WDR19: variants seen among roughly 807,000 people sequenced by gnomAD.
WDR19 encodes WD repeat-containing protein 19.
WDR19 carries 121 observed loss-of-function variants against 180.0 expected under a neutral mutation model. That is an observed-to-expected ratio of 0.67 (90% CI 0.58 to 0.78). The LOEUF is 0.78. WDR19 is among the 30% of genes least tolerant of loss of function. The probability of loss-of-function intolerance (pLI) is 0.00; values close to 1 mark genes in which losing one functional copy is unlikely to be tolerated. For missense variants in WDR19, 1,450 were observed against 1,640.7 expected (o/e 0.88, Z 2.01); for synonymous variants, 497 against 540.7 (o/e 0.92, Z 1.12).
intron 5 of WDR19, among the ~76,000 whole-genome samples, chr4:39,198,997 C>CAA (rs774671201): frequency 7.7e-4 from 67 of 87,496 alleles, no homozygotes; most frequent in Admixed American, 2.0e-3. Flanking sequence ...GACTCTGTCT[C>CAA]AAAAAAAAAA....
At chr4:39,273,469 A>C (rs775332405) in intron 32 of WDR19, 2 of 167,470 alleles carry the variant, frequency 1.2e-5, no homozygotes, top group Non-Finnish European at 1.3e-5. Context: ...TTAGAGACTC[A>C]GCAGCCAGGA....
At chr4:39,200,056 T>C (rs999714097) in intron 6 of WDR19, among the ~76,000 whole-genome samples, 3 of 152,242 alleles carry the variant, frequency 2.0e-5, no homozygotes, top group African/African-American at 7.2e-5. Context: ...TTTCTCAAGA[T>C]TGATTAGCTC....
chr4:39,241,709 T>G (rs1473348734), intron 21 of WDR19, among the ~76,000 whole-genome samples: 1 of 148,772 alleles, frequency 6.7e-6, no homozygotes, highest in Non-Finnish European at 1.5e-5. Context: ...GGCAGGAGAA[T>G]CACTTGAATT....
chr4:39,241,173 A>C (rs1731902828), intron 21 of WDR19, among the ~76,000 whole-genome samples: 1 of 152,200 alleles, frequency 6.6e-6, no homozygotes, highest in Non-Finnish European at 1.5e-5. Context: ...TGTCTTGTGA[A>C]GCTTGAAAAT....
At chr4:39,271,318 TGTTTA>T (rs1421079822) in intron 31 of WDR19, among the ~76,000 whole-genome samples, 1 of 152,266 alleles carries the variant, frequency 6.6e-6, no homozygotes, top group Non-Finnish European at 1.5e-5. Flanking sequence ...ATTGGGATTA[TGTTTA>T]GTTGTGTATA....
intron 7 of WDR19, 118 bp from the exon 8 acceptor site, chr4:39,205,036 C>T: frequency 1.5e-6 from 1 of 650,706 alleles, no homozygotes; most frequent in Non-Finnish European, 2.6e-6. Flanking sequence ...CAGCATTTAG[C>T]ACATCTAAAT....
intron 9 of WDR19, among the ~76,000 whole-genome samples, chr4:39,208,361 C>T (rs2109307269): frequency 7.1e-6 from 1 of 140,318 alleles, no homozygotes; most frequent in African/African-American, 2.7e-5. Flanking sequence ...GGCTGGAGTG[C>T]AGTGGCATGA....
At position 39,211,925 on chromosome 4, in the gene WDR19, CAGACAGAGAG is replaced by C. The variant is rs1392214324; in HGVS notation, c.891-2672_891-2663del. 4.3e-5 allele frequency among the ~76,000 whole-genome samples: 5 copies of C among 117,186 alleles called. No individual in the cohort carries two copies. In the South Asian group the frequency reaches 9.3e-4, roughly 22 times the overall value. The allele number at this position is 117,186 out of a possible 152,430, so 76.9% of individuals were successfully genotyped here. On this transcript the variant is annotated intron_variant, in intron 9 of 36. Transcript: ENST00000399820. ...ATAGGCATGCTTGTTCTAATATAGA[CAGACAGAGAG>C]AGAGAGAGAGAGAGAGAGAGAGAGA...
Position 39,245,235 on chromosome 4 carries a change from C to G in WDR19, c.2646-134C>G, listed in dbSNP as rs1230300258. On this transcript the variant is annotated intron_variant, in intron 23 of 36. Transcript: ENST00000399820. ...GTTCTGGGATTACAGGCCACTGCAC[C>G]CCGCCAGGAGCCAAGATTTTTGAAA... is the stretch of plus-strand genomic sequence containing the variant. 6 of 666,938 alleles carry G rather than the reference C, an allele frequency of 9.0e-6. No homozygotes were observed. The African/African-American group carries it at 9.2e-5, about 10-fold the overall frequency. 41.3% of individuals were successfully genotyped at this position (666,938 alleles called of 1,614,324 possible). A position where few individuals can be genotyped will look rare whatever the true frequency, so the allele number is the denominator to read the frequency against.
intron 24 of WDR19, among the ~76,000 whole-genome samples, chr4:39,248,136 A>G (rs536750488): frequency 6.6e-6 from 1 of 152,394 alleles, no homozygotes; most frequent in Non-Finnish European, 1.5e-5. Context: ...GAAGCCCTTC[A>G]GACTAACAGC....
At chr4:39,273,317 G>A (rs1430708794) in intron 32 of WDR19, 14 of 477,176 alleles carry the variant, frequency 2.9e-5, no homozygotes, top group Non-Finnish European at 5.1e-5. Flanking sequence ...AAAATGAGCA[G>A]AAGGATTCAC....
At chr4:39,273,100 G>A (rs144102429) in intron 32 of WDR19, 39 bp downstream of exon 32, 1 of 1,488,572 alleles carries the variant, frequency 6.7e-7, no homozygotes, top group East Asian at 2.4e-5. Flanking sequence ...CATGCCCCAT[G>A]CCCCATGCCG....
At chr4:39,270,537 A>C (rs1057502706) in intron 31 of WDR19, among the ~76,000 whole-genome samples, 33 of 151,890 alleles carry the variant, frequency 2.2e-4, no homozygotes, top group African/African-American at 8.0e-4. Flanking sequence ...CACCACACCC[A>C]GTTAATTTTT....
At chr4:39,214,433 A>C (rs1449740413) in intron 9 of WDR19, among the ~76,000 whole-genome samples, 168 bp from the exon 10 acceptor site, 2 of 152,190 alleles carry the variant, frequency 1.3e-5, no homozygotes, top group Non-Finnish European at 2.9e-5. Flanking sequence ...TAAAGATAAA[A>C]TATAATGAAG....
intron 21 of WDR19, among the ~76,000 whole-genome samples, chr4:39,243,846 A>G: frequency 7.8e-6 from 1 of 128,416 alleles, no homozygotes; most frequent in South Asian, 2.5e-4. Flanking sequence ...AACAATTACT[A>G]ACGAAATGAA....
chr4:39,184,003 T>C (rs912889238), intron 1 of WDR19, among the ~76,000 whole-genome samples: 3 of 152,204 alleles, frequency 2.0e-5, no homozygotes, highest in African/African-American at 7.2e-5. Flanking sequence ...TAAGATGCTT[T>C]TAAATATTCT....
chr4:39,261,502 GA>G (rs1457034353), intron 28 of WDR19, among the ~76,000 whole-genome samples: 2 of 152,196 alleles, frequency 1.3e-5, no homozygotes, highest in African/African-American at 4.8e-5. Context: ...AATAAGTCCA[GA>G]AGGGCTCTGA....
chr4:39,199,476 A>T lies in WDR19; in HGVS notation c.407-2A>T. 6.2e-7 allele frequency: 1 copy of T among 1,609,630 alleles called. No individual in the cohort carries two copies. The highest frequency in any genetic ancestry group is 8.5e-7 in the Non-Finnish European group (1 of 1,177,972). On this transcript the variant is annotated splice_acceptor_variant, in intron 5 of 36. Coordinates refer to ENST00000399820, the MANE Select transcript of WDR19 (RefSeq NM_025132.4). LOFTEE classifies it high-confidence loss of function. ...TCTGTATAAAAATAATCTCTTTTTC[A>T]GGAAAACATACTAAGAGAATCACTT...
At chr4:39,201,166 G>C (rs574527215) in intron 6 of WDR19, among the ~76,000 whole-genome samples, 1 of 152,060 alleles carries the variant, frequency 6.6e-6, no homozygotes, top group Non-Finnish European at 1.5e-5. Context: ...CGAGTCTCAG[G>C]TTCCTTCCAT....
Sources: allele counts gnomAD v4.1 joint callset (sites outside exome capture counted in the v4.1 genomes callset), GRCh38; gene constraint gnomAD v4.1.1; transcripts MANE v1.5; gene names NCBI Gene and HGNC (gene_info 2026-07-23, HGNC 2026-07-21).